Variants in SLIT2 observed in about 807,000 individuals in gnomAD.
SLIT2 encodes slit guidance ligand 2, also known as slit homolog 2 protein.
A neutral mutation model predicts 185.7 loss-of-function variants in SLIT2; 41 were observed. The ratio of observed to expected loss-of-function variants is 0.22; its 90% CI spans 0.17 to 0.29. The LOEUF is 0.29. Ranked by LOEUF, SLIT2 falls within the 10% of genes least tolerant of loss-of-function variation. SLIT2 has a pLI of 1.00. For missense variants in SLIT2, 1,571 were observed against 1,909.0 expected (o/e 0.82, Z 3.30); for synonymous variants, 693 against 680.2 (o/e 1.02, Z -0.29).
chr4:20,335,020 A>C (rs1164590031), intron 4 of SLIT2, among the ~76,000 whole-genome samples: 1 of 152,216 alleles, frequency 6.6e-6, no homozygotes, highest in Admixed American at 6.5e-5. Flanking sequence ...TAAATACTAG[A>C]ACTTTCATCT....
intron 5 of SLIT2, among the ~76,000 whole-genome samples, chr4:20,472,752 A>G (rs773275552): frequency 1.3e-5 from 2 of 149,076 alleles, no homozygotes; most frequent in Non-Finnish European, 3.0e-5. Context: ...TCAAGTATCT[A>G]TTAGGCATTT....
At chr4:20,276,625 A>C (rs1714193811) in intron 4 of SLIT2, among the ~76,000 whole-genome samples, 1 of 152,176 alleles carries the variant, frequency 6.6e-6, no homozygotes, top group Admixed American at 6.5e-5. Context: ...TAAAAGAGAA[A>C]TAAGTAAATC....
chr4:20,257,297 G>C (rs1711950612), intron 2 of SLIT2, among the ~76,000 whole-genome samples: 1 of 151,802 alleles, frequency 6.6e-6, no homozygotes, highest in South Asian at 2.1e-4. Context: ...TTAATTAGTG[G>C]GTTAAATTAG....
chr4:20,570,488 T>G (rs2148918413), intron 29 of SLIT2, among the ~76,000 whole-genome samples: 1 of 151,942 alleles, frequency 6.6e-6, no homozygotes, highest in Non-Finnish European at 1.5e-5. Flanking sequence ...TGGGCTAATT[T>G]AGACTTCTCC....
chr4:20,261,800 G>T (rs773881577), intron 3 of SLIT2, among the ~76,000 whole-genome samples: 2 of 151,790 alleles, frequency 1.3e-5, no homozygotes, highest in Non-Finnish European at 3.0e-5. Context: ...TAGGCTTTGT[G>T]TGAACACCGC....
intron 4 of SLIT2, among the ~76,000 whole-genome samples, chr4:20,341,742 A>C (rs906534482): frequency 3.9e-5 from 6 of 152,204 alleles, no homozygotes; most frequent in African/African-American, 1.4e-4. Flanking sequence ...GTTTTAGAGA[A>C]TTAATCACTA....
chr4:20,346,318 T>G (rs1225152664), intron 4 of SLIT2, among the ~76,000 whole-genome samples: 4 of 152,144 alleles, frequency 2.6e-5, no homozygotes, highest in African/African-American at 9.7e-5. Context: ...TTGGACCAAA[T>G]AATTCTTGTA....
chr4:20,437,908 C>T (rs545895835), intron 4 of SLIT2, among the ~76,000 whole-genome samples: 1 of 132,554 alleles, frequency 7.5e-6, no homozygotes, highest in Admixed American at 7.5e-5. Flanking sequence ...GAGCGAGACT[C>T]CGTCTCAAAA....
chr4:20,520,033 CAAA>C (rs34644308), intron 12 of SLIT2, among the ~76,000 whole-genome samples: 1 of 68,382 alleles, frequency 1.5e-5, no homozygotes. Flanking sequence ...GACTCCGTCT[CAAA>C]AAAAAAAAAA....
At chr4:20,473,040 A>G (rs1373292870) in intron 5 of SLIT2, among the ~76,000 whole-genome samples, 1 of 151,928 alleles carries the variant, frequency 6.6e-6, no homozygotes, top group Non-Finnish European at 1.5e-5. Context: ...TAGTGAGTTC[A>G]ATATGATTAC....
chr4:20,535,947 A>G (rs1722235168), intron 18 of SLIT2, among the ~76,000 whole-genome samples: 1 of 152,172 alleles, frequency 6.6e-6, no homozygotes, highest in Non-Finnish European at 1.5e-5. Context: ...CCTAGATGAT[A>G]TGGCCTACCA....
chr4:20,462,351 C>T (rs1020349640), intron 4 of SLIT2, among the ~76,000 whole-genome samples: 1 of 152,064 alleles, frequency 6.6e-6, no homozygotes, highest in Non-Finnish European at 1.5e-5. Context: ...TTTGCAGTAT[C>T]CTCTTAACAA....
intron 5 of SLIT2, among the ~76,000 whole-genome samples, chr4:20,478,280 T>C (rs79141450): frequency 4.6e-5 from 7 of 152,188 alleles, no homozygotes; most frequent in Non-Finnish European, 4.4e-5. Flanking sequence ...GACTCAGATA[T>C]AACAGTATTC....
chr4:20,341,460 G>C (rs533944861), intron 4 of SLIT2, among the ~76,000 whole-genome samples: 74 of 152,308 alleles, frequency 4.9e-4, no homozygotes, highest in Non-Finnish European at 9.3e-4. Flanking sequence ...ATTTTAAATA[G>C]ACTTGTTTTC....
chr4:20,542,110 A>G (rs991876629), intron 20 of SLIT2, among the ~76,000 whole-genome samples: 1 of 152,168 alleles, frequency 6.6e-6, no homozygotes. Flanking sequence ...AGCTTTATAA[A>G]TGAGGAACCT....
In SLIT2 at chr4:20,253,780, C is replaced by A; in HGVS notation, c.-36C>A. On this transcript the variant is annotated 5_prime_UTR_variant, in exon 1 of 37. Coordinates refer to ENST00000504154, the MANE Select transcript of SLIT2 (RefSeq NM_004787.4). ...CTCGGAGCAGCAAGCTAAAGAAAGC[C>A]CCCAGTGCCGGCGAGGAAGGAGGCG... 6.3e-7 allele frequency: 1 copy of A among 1,592,996 alleles called. No individual in the cohort carries two copies. Among genetic ancestry groups the A allele is most frequent in the South Asian group, 1.1e-5 (1 of 90,310 alleles).
chr4:20,609,571 C>T (rs140466392), intron 33 of SLIT2, among the ~76,000 whole-genome samples: 2 of 152,240 alleles, frequency 1.3e-5, no homozygotes, highest in African/African-American at 4.8e-5. Flanking sequence ...TTTTTAAGAG[C>T]AGAAGCCAGC....
intron 33 of SLIT2, among the ~76,000 whole-genome samples, chr4:20,602,460 A>G (rs1383790359): frequency 3.9e-5 from 6 of 152,264 alleles, no homozygotes; most frequent in African/African-American, 1.4e-4. Flanking sequence ...ATAGAAGATC[A>G]TGGCTTCTTG....
At chr4:20,348,020 T>C (rs146712052) in intron 4 of SLIT2, among the ~76,000 whole-genome samples, 1 of 152,386 alleles carries the variant, frequency 6.6e-6, no homozygotes, top group Non-Finnish European at 1.5e-5. Flanking sequence ...AATAAAAGTC[T>C]GGATGCTGTT....
Sources: gnomAD v4.1 joint callset for allele counts (sites outside exome capture counted in the v4.1 genomes callset) on GRCh38, gnomAD v4.1.1 for gene constraint, MANE v1.5 for transcripts, NCBI Gene and HGNC (gene_info 2026-07-23, HGNC 2026-07-21) for gene names.